The following SLC44A5 variants were observed in gnomAD, a reference collection of about 807,000 sequenced individuals.
SLC44A5 encodes choline transporter-like protein 5.
A neutral mutation model predicts 101.8 loss-of-function variants in SLC44A5; 57 were observed. The observed-to-expected ratio is 0.56, with a 90% CI of 0.45 to 0.70. The LOEUF (loss-of-function observed/expected upper bound fraction) is 0.70. SLC44A5 is among the 30% of genes least tolerant of loss of function. The pLI, the probability that SLC44A5 is intolerant of heterozygous loss-of-function variation, is 0.00. For missense variants in SLC44A5, 737 were observed against 853.1 expected, an observed-to-expected ratio of 0.86 and a Z score of 1.70; for synonymous variants, 281 against 290.9, an observed-to-expected ratio of 0.97 and a Z score of 0.35.
chr1:75,515,301 T>G (rs1257506526), intron 2 of SLC44A5, among the ~76,000 whole-genome samples: 1 of 152,202 alleles, frequency 6.6e-6, no homozygotes, highest in Non-Finnish European at 1.5e-5. Context: ...TGAACTTTAC[T>G]CTTAGCAATT....
chr1:75,408,076 A>C (rs1663017691), intron 2 of SLC44A5, among the ~76,000 whole-genome samples: 1 of 152,218 alleles, frequency 6.6e-6, no homozygotes, highest in South Asian at 2.1e-4. Context: ...ACTTCTCAGA[A>C]AAAGACATTT....
At chr1:75,249,980 G>T (rs1399152088) in intron 7 of SLC44A5, among the ~76,000 whole-genome samples, 1 of 152,086 alleles carries the variant, frequency 6.6e-6, no homozygotes, top group African/African-American at 2.4e-5. Context: ...TGTGGGATTA[G>T]AAACATATAA....
chr1:75,313,427 A>G (rs1196534066), intron 4 of SLC44A5, among the ~76,000 whole-genome samples: 1 of 152,204 alleles, frequency 6.6e-6, no homozygotes, highest in African/African-American at 2.4e-5. Context: ...AAGTTCTTGG[A>G]GATCAAAGAT....
At chr1:75,633,262 C>T in the SLC44A5 span, among the ~76,000 whole-genome samples, 8 of 152,152 alleles carry the variant, frequency 5.3e-5, no homozygotes, top group Non-Finnish European at 1.0e-4. Flanking sequence ...TGAAGAAAGG[C>T]ATTCGTAGCT....
rs1646697807 is a variant in SLC44A5, at chr1:75,203,597, T to C, written c.*130A>G. ...ACAGTATAAGCTTTGGTATAAAACATGCAAATGCAAGCCAACAAGGTCGTG... is the reference window on the plus strand; with the variant it reads ...ACAGTATAAGCTTTGGTATAAAACACGCAAATGCAAGCCAACAAGGTCGTG... On this transcript the variant is annotated 3_prime_UTR_variant, in exon 24 of 24. Transcript: ENST00000370859. The C allele has an allele frequency of 8.0e-6, 9 of 1,121,242 alleles. No individual in the cohort carries two copies. The highest frequency in any genetic ancestry group is 3.2e-5 in the African/African-American group (2 of 62,808). The allele number at this position is 1,121,242 out of a possible 1,614,324, so 69.5% of individuals were successfully genotyped here.
chr1:75,495,041 T>C (rs1425311903), intron 2 of SLC44A5, among the ~76,000 whole-genome samples: 1 of 152,110 alleles, frequency 6.6e-6, no homozygotes, highest in Non-Finnish European at 1.5e-5. Flanking sequence ...GAGATGGCTG[T>C]CTTACCTAAT....
intron 23 of SLC44A5, among the ~76,000 whole-genome samples, chr1:75,208,396 T>C (rs747907238): frequency 2.6e-5 from 4 of 152,190 alleles, no homozygotes; most frequent in Non-Finnish European, 5.9e-5. Context: ...TGATCTCAAG[T>C]GATCTGCCGG....
the SLC44A5 span, among the ~76,000 whole-genome samples, chr1:75,661,366 A>C: frequency 7.3e-6 from 1 of 137,508 alleles, no homozygotes; most frequent in East Asian, 2.1e-4. Context: ...GTATGACCTA[A>C]AACTATGAAA....
chr1:75,579,843 A>ACACACACACACACACAC lies in SLC44A5; in HGVS notation c.-70+31196_-70+31197insGTGTGTGTGTGTGTGTG, dbSNP rs71071947. Among the ~76,000 whole-genome samples, 22 of 152,180 alleles carry ACACACACACACACACAC rather than the reference A, an allele frequency of 1.4e-4. No homozygotes were observed. In the East Asian group the frequency reaches 1.9e-3, roughly 13 times the overall value. Reference sequence around the variant, plus strand: ...CAACTATCTACACACACACACACACAAACTAGTCAGCCTATCTGAACCTGC... The same window carrying ACACACACACACACACAC: ...CAACTATCTACACACACACACACACACACACACACACACACACAACTAGTCAGCCTATCTGAACCTGC... On this transcript the variant is annotated intron_variant, in intron 1 of 23. Transcript: ENST00000370859.
In SLC44A5 at chr1:75,376,864, C is replaced by T. The variant is rs549699024; in HGVS notation, c.52+19719G>A. 2.1e-4 allele frequency among the ~76,000 whole-genome samples: 32 copies of T among 152,180 alleles called. No individual in the cohort carries two copies. In the South Asian group the frequency reaches 3.1e-3, roughly 15 times the overall value. On this transcript the variant is annotated intron_variant, in intron 3 of 23. Coordinates refer to ENST00000370859, the MANE Select transcript of SLC44A5 (RefSeq NM_001130058.2). The stretch of plus-strand genomic sequence containing the variant: ...CAAGCTGAGAGCAGAAGGCTTCAGA[C>T]GATCAAATTACTCTGAGCTACGGGA...
chr1:75,505,338 C>T (rs1363222564), intron 2 of SLC44A5, among the ~76,000 whole-genome samples: 1 of 151,984 alleles, frequency 6.6e-6, no homozygotes, highest in Non-Finnish European at 1.5e-5. Flanking sequence ...TGCATGTGTC[C>T]TTTTGGTAGA....
chr1:75,425,092 T>C (rs959518211), intron 2 of SLC44A5, among the ~76,000 whole-genome samples: 47 of 152,344 alleles, frequency 3.1e-4, no homozygotes, highest in African/African-American at 1.1e-3. Context: ...TTATTGTAGC[T>C]CTTTAAGCAC....
chr1:75,383,814 G>A (rs916992843), intron 3 of SLC44A5, among the ~76,000 whole-genome samples: 25 of 151,984 alleles, frequency 1.6e-4, no homozygotes, highest in Admixed American at 3.9e-4. Context: ...GAGAAAGGTC[G>A]GGTTACCCTC....
chr1:75,551,100 T>TA, intron 1 of SLC44A5, among the ~76,000 whole-genome samples: 1 of 152,254 alleles, frequency 6.6e-6, no homozygotes, highest in South Asian at 2.1e-4. Flanking sequence ...AATCTTTGTT[T>TA]TAATTACTAT....
chr1:75,562,985 TTG>T (rs1052211549), intron 1 of SLC44A5, among the ~76,000 whole-genome samples: 54 of 152,306 alleles, frequency 3.5e-4, no homozygotes, highest in African/African-American at 1.3e-3. Context: ...TGAGGTTAGT[TTG>T]TGTTTCTTTC....
chr1:75,250,434 G>A (rs1407730899), intron 7 of SLC44A5, among the ~76,000 whole-genome samples: 7 of 152,054 alleles, frequency 4.6e-5, no homozygotes, highest in Non-Finnish European at 1.0e-4. Context: ...CCATATCTTT[G>A]CTATTGTGAA....
chr1:75,330,186 T>C (rs1656937194), intron 4 of SLC44A5, among the ~76,000 whole-genome samples: 1 of 150,316 alleles, frequency 6.7e-6, no homozygotes, highest in Non-Finnish European at 1.5e-5. Flanking sequence ...TGCATATATA[T>C]ACGTATATGC....
chr1:75,501,424 C>T (rs931423634), intron 2 of SLC44A5, among the ~76,000 whole-genome samples: 52 of 152,302 alleles, frequency 3.4e-4, no homozygotes, highest in African/African-American at 1.2e-3. Flanking sequence ...ATTGTTACTA[C>T]ATTCCCATAA....
At chr1:75,698,152 C>G in the SLC44A5 span, among the ~76,000 whole-genome samples, 1 of 152,222 alleles carries the variant, frequency 6.6e-6, no homozygotes, top group Non-Finnish European at 1.5e-5. Flanking sequence ...GAGCCCACCA[C>G]AGCTCAAGGA....
Sources: allele counts gnomAD v4.1 joint callset (sites outside exome capture counted in the v4.1 genomes callset), GRCh38; gene constraint gnomAD v4.1.1; transcripts MANE v1.5; gene names NCBI Gene and HGNC (gene_info 2026-07-23, HGNC 2026-07-21).